CHMP6: variants seen among roughly 807,000 people sequenced by gnomAD.
The protein encoded by CHMP6 is charged multivesicular body protein 6, also known as chromatin-modifying protein 6.
CHMP6 carries 10 observed loss-of-function variants against 32.8 expected under a neutral mutation model. The ratio of observed to expected loss-of-function variants is 0.30; its 90% CI spans 0.19 to 0.52. The LOEUF is 0.52. CHMP6 is among the 20% of genes least tolerant of loss of function. The pLI, the probability that CHMP6 is intolerant of heterozygous loss-of-function variation, is 0.97. For missense variants in CHMP6, 269 were observed against 263.8 expected (o/e 1.02, Z -0.14); for synonymous variants, 123 against 105.8 (o/e 1.16, Z -1.00).
intron 1 of CHMP6, among the ~76,000 whole-genome samples, chr17:80,992,662 C>T (rs1005815326): frequency 6.6e-6 from 1 of 152,088 alleles, no homozygotes; most frequent in Non-Finnish European, 1.5e-5. Flanking sequence ...TCCAGACTGA[C>T]CCCCCGGGGC....
chr17:80,993,841 G>A (rs2069614037), intron 1 of CHMP6, among the ~76,000 whole-genome samples: 2 of 152,184 alleles, frequency 1.3e-5, no homozygotes. Context: ...GAGAAGCCGG[G>A]GGGATGTCTG....
At chr17:80,995,793 G>T in intron 4 of CHMP6, 35 bp downstream of exon 4, 1 of 1,594,176 alleles carries the variant, frequency 6.3e-7, no homozygotes, top group Non-Finnish European at 8.6e-7. Context: ...ATGGAGGTGT[G>T]GGGAGCCCAT....
chr17:80,998,773 C>T (rs2069661092), intron 7 of CHMP6: 7 of 1,029,302 alleles, frequency 6.8e-6, no homozygotes, highest in Non-Finnish European at 8.0e-6. Context: ...AGCACAGGCT[C>T]TCCAACCTGC....
Position 80,998,327 on chromosome 17 carries a change from C to G in CHMP6, c.496-39C>G, listed in dbSNP as rs752217922. 4 of 1,613,190 alleles carry G rather than the reference C, an allele frequency of 2.5e-6. No individual in the cohort carries two copies. In the Admixed American group the frequency reaches 6.7e-5, roughly 27 times the overall value. ...GAGGCCCAGGCAGCCCGGGGCAGAC[C>G]TGTCACCTGCTCATAGCCTTACCCT... On this transcript the variant is annotated intron_variant, in intron 6 of 7. Transcript: ENST00000325167.
At chr17:80,998,600 G>A in intron 7 of CHMP6, 180 bp downstream of exon 7, 1 of 1,459,754 alleles carries the variant, frequency 6.9e-7, no homozygotes. Flanking sequence ...TTTCCCAGGG[G>A]TTCGGTAACT....
At chr17:80,998,842 C>T (rs946320216) in intron 7 of CHMP6, among the ~76,000 whole-genome samples, 5 of 152,216 alleles carry the variant, frequency 3.3e-5, no homozygotes, top group African/African-American at 1.2e-4. Context: ...CTTTACCCAT[C>T]TTTGGGGCTC....
rs1405742852 is a variant in CHMP6 at position 80,998,722 on chromosome 17, T to A, written c.550+302T>A. ...CTCATTCCCAGGGTGTAGCCCAGGA[T>A]TAGCCCTCAGCCAGGGATGGCTCTC... On this transcript the variant is annotated intron_variant, in intron 7 of 7. Transcript: ENST00000325167. 3.7e-6 allele frequency: 5 copies of A among 1,349,576 alleles called. No homozygotes were observed. The East Asian group carries it at 1.5e-4, about 40-fold the overall frequency. 83.6% of individuals were successfully genotyped at this position (1,349,576 alleles called of 1,614,324 possible). A position where few individuals can be genotyped will look rare whatever the true frequency, so the allele number is the denominator to read the frequency against.
chr17:80,994,461 A>T, intron 1 of CHMP6, 120 bp from the exon 2 acceptor site: 1 of 785,370 alleles, frequency 1.3e-6, no homozygotes, highest in Non-Finnish European at 1.9e-6. Context: ...CCTGGAAGGC[A>T]ACCCTGCCCC....
chr17:80,999,190 A>G lies in CHMP6; in HGVS notation c.*37A>G, dbSNP rs755812564. On this transcript the variant is annotated 3_prime_UTR_variant, in exon 8 of 8. Transcript: ENST00000325167. The stretch of plus-strand genomic sequence containing the variant: ...CTTGTGGGACTCACGGGGATGCCCC[A>G]GGGACTGTGGCCCACAGAGAGTTTG... 1 of 1,612,050 alleles carries G rather than the reference A, an allele frequency of 6.2e-7. No individual in the cohort carries two copies. Among genetic ancestry groups the G allele is most frequent in the Non-Finnish European group, 8.5e-7 (1 of 1,178,576 alleles).
chr17:80,993,843 G>A (rs1215395400), intron 1 of CHMP6, among the ~76,000 whole-genome samples: 2 of 152,126 alleles, frequency 1.3e-5, no homozygotes, highest in Admixed American at 1.3e-4. Flanking sequence ...GAAGCCGGGG[G>A]GATGTCTGAG....
rs935300954 is a variant in CHMP6, at chr17:80,996,875, G to A, written c.349-132G>A. 3 of 949,710 alleles carry A rather than the reference G, an allele frequency of 3.2e-6. No homozygotes were observed. The African/African-American group carries it at 5.0e-5, about 16-fold the overall frequency. 58.8% of individuals were successfully genotyped at this position (949,710 alleles called of 1,614,324 possible). On this transcript the variant is annotated intron_variant, in intron 4 of 7. Transcript: ENST00000325167. Reference sequence around the variant, plus strand: ...GAGCCCAGCCTGGGCAACACAGCCAGACCTTGTCTTTAAAAATAAATAAAA... The same window carrying A: ...GAGCCCAGCCTGGGCAACACAGCCAAACCTTGTCTTTAAAAATAAATAAAA...
At chr17:80,997,984 G>A (rs1016037414) in intron 6 of CHMP6, among the ~76,000 whole-genome samples, 3 of 152,234 alleles carry the variant, frequency 2.0e-5, no homozygotes, top group African/African-American at 4.8e-5. Flanking sequence ...AGCCAAGCTC[G>A]CTGGGACAGC....
intron 4 of CHMP6, among the ~76,000 whole-genome samples, chr17:80,996,678 C>T (rs1215619421): frequency 1.3e-5 from 2 of 152,206 alleles, no homozygotes; most frequent in African/African-American, 2.4e-5. Flanking sequence ...GAGGGGGCAT[C>T]GGGCGCCAGG....
chr17:80,993,561 C>G (rs2069611672), intron 1 of CHMP6, among the ~76,000 whole-genome samples: 1 of 152,254 alleles, frequency 6.6e-6, no homozygotes, highest in Non-Finnish European at 1.5e-5. Context: ...CACACAGGCC[C>G]TGACTGAGCT....
In CHMP6 at chr17:80,994,642, A is replaced by G; in HGVS notation, c.125A>G (p.Glu42Gly). The G allele has an allele frequency of 6.3e-7, 1 of 1,585,522 alleles. No homozygotes were observed. The highest frequency in any genetic ancestry group is 2.3e-5 in the East Asian group (1 of 43,756). ...QYQKRIAQQL[E>G]RERALARQLL... ...CAGAAGAGGATCGCCCAGCAGCTGG[A>G]GCGCGAGCGCGCCCTGGCCCGGCAG... Residue 42 changes from glutamate (E) to glycine (G), a missense_variant, in exon 2 of 8, where the codon GAG becomes GGG. Coordinates refer to ENST00000325167, the MANE Select transcript of CHMP6 (RefSeq NM_024591.5).
At position 80,997,355 on chromosome 17, in the gene CHMP6, CG is replaced by C. The variant is rs1555646044; in HGVS notation, c.495+17del. The C allele has an allele frequency of 1.3e-6, 2 of 1,537,388 alleles. No individual in the cohort carries two copies. Among genetic ancestry groups the C allele is most frequent in the Non-Finnish European group, 1.8e-6 (2 of 1,120,994 alleles). On this transcript the variant is annotated intron_variant, in intron 6 of 7. Coordinates refer to ENST00000325167, the MANE Select transcript of CHMP6 (RefSeq NM_024591.5). ...GCAATCACTCAGGTAACGGCCCCCC[CG>C]GGACTGAGCACAGTCACTCAGGCAG...
At chr17:80,995,155 G>C (rs767277290) in intron 3 of CHMP6, 49 bp downstream of exon 3, 217 of 1,528,082 alleles carry the variant, frequency 1.4e-4, no homozygotes, top group Non-Finnish European at 5.6e-5. Flanking sequence ...GCTGGAGGCA[G>C]CTCCGCCCGG....
In CHMP6 at chr17:80,997,265, T is replaced by C. The variant is rs1467993438; in HGVS notation, c.419T>C (p.Ile140Thr). ...TQEAVEYQRQ[I>T]DELLAGSFTQ... is the part of the protein sequence containing the mutation. The stretch of plus-strand genomic sequence containing the variant: ...CCACCGCCTGTCCTTTTGCAGCAAA[T>C]AGACGAGCTCCTGGCAGGAAGCTTC... The change falls in exon 6 of 8, where the codon ATA becomes ACA. Residue 140 changes from isoleucine (I) to threonine (T), a missense_variant. Ile to Thr is a moderately conservative substitution (Grantham distance 89). Coordinates refer to ENST00000325167, the MANE Select transcript of CHMP6 (RefSeq NM_024591.5). The C allele has an allele frequency of 1.9e-6, 3 of 1,569,260 alleles. No individual in the cohort carries two copies. Among genetic ancestry groups the C allele is most frequent in the African/African-American group, 1.4e-5 (1 of 71,912 alleles).
At chr17:80,995,261 G>A (rs370965812) in intron 3 of CHMP6, among the ~76,000 whole-genome samples, 155 bp downstream of exon 3, 2 of 152,274 alleles carry the variant, frequency 1.3e-5, no homozygotes, top group African/African-American at 2.4e-5. Context: ...CTGGAATCCC[G>A]GGGAGTCTGC....
Sources: gnomAD v4.1 joint callset for allele counts (sites outside exome capture counted in the v4.1 genomes callset) on GRCh38, gnomAD v4.1.1 for gene constraint, MANE v1.5 for transcripts, NCBI Gene and HGNC (gene_info 2026-07-23, HGNC 2026-07-21) for gene names.